Variants in MON2 observed in about 807,000 individuals in gnomAD.
MON2 encodes MON2 regulator of endosome-to-Golgi trafficking.
Under a neutral mutation model 208.6 loss-of-function variants are expected in MON2, and 84 were observed. That is an observed-to-expected ratio of 0.40 (90% CI 0.34 to 0.48). The LOEUF is 0.48. MON2 is among the 20% of genes least tolerant of loss of function. The pLI, the probability that MON2 is intolerant of heterozygous loss-of-function variation, is 0.59. For synonymous variants in MON2, 660 were observed against 694.0 expected, an observed-to-expected ratio of 0.95 and a Z score of 0.77; for missense variants, 1,611 against 2,015.4, an observed-to-expected ratio of 0.80 and a Z score of 3.84.
intron 1 of MON2, among the ~76,000 whole-genome samples, chr12:62,472,781 T>G (rs753386383): frequency 3.9e-5 from 6 of 152,204 alleles, no homozygotes; most frequent in Non-Finnish European, 7.3e-5. Context: ...CGAGCTTACT[T>G]GGGATCTGTT....
chr12:62,541,828 G>A (rs2073256912), intron 19 of MON2, among the ~76,000 whole-genome samples: 1 of 152,130 alleles, frequency 6.6e-6, no homozygotes, highest in African/African-American at 2.4e-5. Context: ...TCTTTTACAT[G>A]ATTCCTGAGT....
intron 33 of MON2, among the ~76,000 whole-genome samples, chr12:62,586,054 T>TGATCA (rs2075211559): frequency 6.6e-6 from 1 of 152,226 alleles, no homozygotes; most frequent in African/African-American, 2.4e-5. Flanking sequence ...TAGGCTTTTC[T>TGATCA]GATCAGCCAA....
chr12:62,524,415 T>C, intron 8 of MON2, 100 bp from the exon 9 acceptor site: 1 of 880,782 alleles, frequency 1.1e-6, no homozygotes, highest in East Asian at 2.7e-5. Context: ...TCTAAAAGAT[T>C]TTATTGGTTT....
At chr12:62,535,413 A>C in intron 13 of MON2, 112 bp from the exon 14 acceptor site, 1 of 822,946 alleles carries the variant, frequency 1.2e-6, no homozygotes, top group South Asian at 2.3e-5. Flanking sequence ...TATTTTGACA[A>C]TATTTTTGTA....
intron 25 of MON2, among the ~76,000 whole-genome samples, chr12:62,558,485 C>T (rs1199333960): frequency 4.6e-5 from 7 of 152,064 alleles, no homozygotes; most frequent in Non-Finnish European, 1.0e-4. Context: ...GAGTTTTTCT[C>T]CCTAAATGGC....
Position 62,561,083 on chromosome 12 carries a change from T to G in MON2, c.4002T>G (p.Ala1334=). ...CAGTTTTGACAAGTTTACAGGAAGC[T>G]GTACTTACAGCTTTAGATGTTCTCC... is the stretch of plus-strand genomic sequence containing the variant. ...TEAVLTSLQE[A]VLTALDVLQK... Residue 1334 remains alanine (A), a synonymous_variant, in exon 26 of 35, where the codon GCT becomes GCG. Transcript: ENST00000393630. 6.2e-7 allele frequency: 1 copy of G among 1,612,278 alleles called. No individual in the cohort carries two copies. The highest frequency in any genetic ancestry group is 8.5e-7 in the Non-Finnish European group (1 of 1,179,164).
At chr12:62,527,863 C>A (rs73141037) in intron 11 of MON2, among the ~76,000 whole-genome samples, 74 of 148,306 alleles carry the variant, frequency 5.0e-4, no homozygotes, top group Non-Finnish European at 9.1e-4. Context: ...AAAAAAGAAA[C>A]AAGCCACAAA....
intron 3 of MON2, 84 bp downstream of exon 3, chr12:62,494,126 TAA>T: frequency 1.6e-6 from 2 of 1,271,506 alleles, no homozygotes; most frequent in South Asian, 3.2e-5. Context: ...ACCTGATATT[TAA>T]TATAAAACTT....
intron 8 of MON2, among the ~76,000 whole-genome samples, chr12:62,512,802 C>A (rs1361380974): frequency 6.6e-6 from 1 of 152,202 alleles, no homozygotes; most frequent in African/African-American, 2.4e-5. Context: ...CCTGCTCCTA[C>A]AGCAAACTTC....
At chr12:62,566,195 C>A in intron 28 of MON2, 127 bp from the exon 29 acceptor site, 1 of 1,344,258 alleles carries the variant, frequency 7.4e-7, no homozygotes, top group Non-Finnish European at 1.0e-6. Context: ...GAAAACTTTG[C>A]ATGTAATATA....
chr12:62,561,086 A>T lies in MON2; in HGVS notation c.4005A>T (p.Val1335=). The T allele has an allele frequency of 6.2e-7, 1 of 1,611,328 alleles. No individual in the cohort carries two copies. The highest frequency in any genetic ancestry group is 8.5e-7 in the Non-Finnish European group (1 of 1,178,910). Residue 1335 remains valine, a synonymous_variant, in exon 26 of 35, where the codon GTA becomes GTT. Coordinates refer to ENST00000393630, the MANE Select transcript of MON2 (RefSeq NM_015026.3). ...EAVLTSLQEA[V]LTALDVLQKA... is the part of the protein sequence containing the mutation. Reference sequence around the variant, plus strand: ...TTTTGACAAGTTTACAGGAAGCTGTACTTACAGCTTTAGATGTTCTCCAAA... The same window carrying T: ...TTTTGACAAGTTTACAGGAAGCTGTTCTTACAGCTTTAGATGTTCTCCAAA...
chr12:62,547,604 G>A (rs1037458387), intron 22 of MON2, among the ~76,000 whole-genome samples: 5 of 152,132 alleles, frequency 3.3e-5, no homozygotes, highest in Non-Finnish European at 5.9e-5. Context: ...GATTACACAG[G>A]TAAATAGCTC....
rs1244947275 is a variant in MON2, at chr12:62,566,009, A to T, written c.4177-5A>T. On this transcript the variant is annotated splice_region_variant and splice_polypyrimidine_tract_variant and intron_variant, in intron 27 of 34. Coordinates refer to ENST00000393630, the MANE Select transcript of MON2 (RefSeq NM_015026.3). ...TTGTCTTGCAACACAATGGAATCAC[A>T]ATAGATCCAACTATTTGCACCGGTG... The T allele has an allele frequency of 6.2e-7, 1 of 1,610,452 alleles. No individual in the cohort carries two copies. The highest frequency in any genetic ancestry group is 8.5e-7 in the Non-Finnish European group (1 of 1,178,182).
At chr12:62,482,535 A>G (rs2069508903) in intron 1 of MON2, 1 of 152,254 alleles carries the variant, frequency 6.6e-6, no homozygotes, top group Admixed American at 6.5e-5. Context: ...ACTTGTACAT[A>G]TAGCTTCTTA....
Position 62,466,983 on chromosome 12 carries a change from G to C in MON2, c.-225G>C. ...TCTCGGCCAGAGTCGGCGGAGCCTA[G>C]CGGGACGGTGCGACTGCGGGGGGCG... On this transcript the variant is annotated 5_prime_UTR_variant, in exon 1 of 35. Transcript: ENST00000393630. The C allele has an allele frequency of 3.7e-6, 2 of 533,548 alleles. No individual in the cohort carries two copies. Among genetic ancestry groups the C allele is most frequent in the Non-Finnish European group, 6.7e-6 (2 of 300,556 alleles). 33.1% of individuals were successfully genotyped at this position (533,548 alleles called of 1,614,324 possible). A position where few individuals can be genotyped will look rare whatever the true frequency, so the allele number is the denominator to read the frequency against.
Position 62,588,058 on chromosome 12 carries a change from CCTAT to C in MON2, c.4908-13_4908-10del. The C allele has an allele frequency of 6.7e-7, 1 of 1,489,558 alleles. No homozygotes were observed. The highest frequency in any genetic ancestry group is 9.3e-7 in the Non-Finnish European group (1 of 1,071,734). 92.3% of individuals were successfully genotyped at this position (1,489,558 alleles called of 1,614,324 possible). A position where few individuals can be genotyped will look rare whatever the true frequency, so the allele number is the denominator to read the frequency against. ...TTTAAAATCTTAATGGAAATGATTT[CCTAT>C]CTCTTTTTCAGGCAACAAGTAACAG... is the stretch of plus-strand genomic sequence containing the variant. On this transcript the variant is annotated splice_polypyrimidine_tract_variant and intron_variant, in intron 33 of 34. Coordinates refer to ENST00000393630, the MANE Select transcript of MON2 (RefSeq NM_015026.3).
chr12:62,532,399 TGGC>T (rs1231902185), intron 11 of MON2, 36 bp from the exon 12 acceptor site: 2 of 1,391,760 alleles, frequency 1.4e-6, no homozygotes, highest in Admixed American at 1.7e-5. Flanking sequence ...TTTTTTGTTG[TGGC>T]TTCTCATTAG....
intron 2 of MON2, among the ~76,000 whole-genome samples, chr12:62,491,942 G>A (rs1221765575): frequency 6.6e-6 from 1 of 152,146 alleles, no homozygotes; most frequent in Admixed American, 6.5e-5. Flanking sequence ...GAGCTTTATG[G>A]TCATGATCTT....
In MON2 at chr12:62,595,925, A is replaced by G. The variant is rs1191052513; in HGVS notation, c.*3176A>G. ...CTCTTGCTATATTCCTTAAATTTGT[A>G]TGTATCATCAGAAGAAAGAGATGAA... On this transcript the variant is annotated 3_prime_UTR_variant, in exon 35 of 35. Transcript: ENST00000393630. The G allele has an allele frequency of 6.6e-6, 1 of 152,206 alleles. No individual in the cohort carries two copies. 9.4% of individuals were successfully genotyped at this position (152,206 alleles called of 1,614,324 possible).
Sources: allele counts gnomAD v4.1 joint callset (sites outside exome capture counted in the v4.1 genomes callset), GRCh38; gene constraint gnomAD v4.1.1; transcripts MANE v1.5; gene names NCBI Gene and HGNC (gene_info 2026-07-23, HGNC 2026-07-21).